The following PLCB4 variants were observed in gnomAD, a reference collection of about 807,000 sequenced individuals.
The protein encoded by PLCB4 is phospholipase C beta 4.
Under a neutral mutation model 178.8 loss-of-function variants are expected in PLCB4, and 77 were observed. That is an observed-to-expected ratio of 0.43 (90% CI 0.36 to 0.52). The LOEUF (loss-of-function observed/expected upper bound fraction) is 0.52. Ranked by LOEUF, PLCB4 falls within the 20% of genes least tolerant of loss-of-function variation. The pLI, the probability that PLCB4 is intolerant of heterozygous loss-of-function variation, is 0.00. For missense variants in PLCB4, 1,024 were observed against 1,453.4 expected (o/e 0.70, Z 4.80); for synonymous variants, 496 against 490.8 (o/e 1.01, Z -0.14).
intron 2 of PLCB4, among the ~76,000 whole-genome samples, chr20:9,164,769 GA>G (rs2092942871): frequency 6.6e-6 from 1 of 152,118 alleles, no homozygotes; most frequent in East Asian, 1.9e-4. Flanking sequence ...GTTCTATCCT[GA>G]AAACTGTCTT....
At chr20:9,442,379 G>T (rs889565363) in intron 30 of PLCB4, among the ~76,000 whole-genome samples, 6 of 148,600 alleles carry the variant, frequency 4.0e-5, no homozygotes, top group Admixed American at 6.7e-5. Context: ...GTAGAGTGTG[G>T]TTTTTTTTTT....
At chr20:9,406,742 G>A (rs113970881) in intron 21 of PLCB4, among the ~76,000 whole-genome samples, 5,173 of 152,076 alleles carry the variant, frequency 0.034, 267 homozygotes, top group East Asian at 0.25. Context: ...TGATCCACCC[G>A]CCTCAGCCTC....
At chr20:9,179,169 T>A (rs1338261718) in intron 2 of PLCB4, among the ~76,000 whole-genome samples, 2 of 152,048 alleles carry the variant, frequency 1.3e-5, no homozygotes, top group East Asian at 3.9e-4. Flanking sequence ...AGGGGACTGT[T>A]TGATAAGATT....
intron 3 of PLCB4, among the ~76,000 whole-genome samples, chr20:9,307,242 C>T (rs1186686786): frequency 6.6e-6 from 1 of 151,986 alleles, no homozygotes; most frequent in African/African-American, 2.4e-5. Flanking sequence ...CCCACGTGGC[C>T]CAAGGGGTGA....
intron 2 of PLCB4, among the ~76,000 whole-genome samples, chr20:9,118,554 T>G (rs1157998663): frequency 6.6e-6 from 1 of 152,126 alleles, no homozygotes; most frequent in Non-Finnish European, 1.5e-5. Flanking sequence ...CTTCAAGATC[T>G]GGTGTGTAAT....
In PLCB4 at chr20:9,434,893, C is replaced by A. The variant is rs147610432; in HGVS notation, c.2525-667C>A. On this transcript the variant is annotated intron_variant, in intron 28 of 39. Coordinates refer to ENST00000378473, the MANE Select transcript of PLCB4 (RefSeq NM_001377142.1). ...TTCAAGTTAACAAGAATAATTTTGCCTTCTATAGTATGAGTAAATTGTGCA... is the reference window on the plus strand; with the variant it reads ...TTCAAGTTAACAAGAATAATTTTGCATTCTATAGTATGAGTAAATTGTGCA... Among the ~76,000 whole-genome samples the A allele has an allele frequency of 1.7e-3, 251 of 152,054 alleles. 2 individuals carry two copies. The South Asian group carries it at 0.022, about 13-fold the overall frequency.
intron 4 of PLCB4, among the ~76,000 whole-genome samples, chr20:9,317,924 C>T (rs924770153): frequency 1.3e-5 from 2 of 152,076 alleles, no homozygotes; most frequent in African/African-American, 4.8e-5. Context: ...CATGGTGAAA[C>T]CCTGCCTTTA....
At chr20:9,176,993 G>T (rs1243139549) in intron 2 of PLCB4, among the ~76,000 whole-genome samples, 5 of 152,098 alleles carry the variant, frequency 3.3e-5, no homozygotes, top group African/African-American at 7.2e-5. Flanking sequence ...GAGAAAGAAT[G>T]ATTATATAAG....
intron 7 of PLCB4, among the ~76,000 whole-genome samples, chr20:9,344,266 C>T (rs535442548): frequency 1.3e-5 from 2 of 152,316 alleles, no homozygotes; most frequent in African/African-American, 4.8e-5. Context: ...CTTTCTCCCC[C>T]ACAGCCCTCA....
intron 1 of PLCB4, 88 bp from the exon 2 acceptor site, chr20:9,096,199 A>G (rs527318189): frequency 8.5e-5 from 13 of 152,192 alleles, no homozygotes; most frequent in African/African-American, 2.7e-4. Context: ...GAAACACAAC[A>G]TGGTAAGATT....
chr20:9,454,654 G>A (rs180843796), intron 33 of PLCB4, among the ~76,000 whole-genome samples: 1 of 152,276 alleles, frequency 6.6e-6, no homozygotes, highest in East Asian at 1.9e-4. Flanking sequence ...GATTATGTTA[G>A]TTATAATTTT....
At chr20:9,302,220 A>C (rs943013014) in intron 3 of PLCB4, among the ~76,000 whole-genome samples, 6 of 151,956 alleles carry the variant, frequency 3.9e-5, no homozygotes, top group African/African-American at 9.7e-5. Context: ...ATTTGAGATA[A>C]TTGCAATAAG....
At chr20:9,341,684 T>C (rs184311066) in intron 7 of PLCB4, among the ~76,000 whole-genome samples, 124 of 151,302 alleles carry the variant, frequency 8.2e-4, no homozygotes, top group Admixed American at 1.9e-3. Flanking sequence ...AAAAAATCCA[T>C]GTATAAGTGG....
chr20:9,222,398 G>A (rs2093810994), intron 3 of PLCB4, among the ~76,000 whole-genome samples: 1 of 152,006 alleles, frequency 6.6e-6, no homozygotes, highest in Non-Finnish European at 1.5e-5. Flanking sequence ...CAGCCCTCTT[G>A]GGTGCCTTCG....
At chr20:9,098,974 G>GT (rs1158989990) in intron 2 of PLCB4, among the ~76,000 whole-genome samples, 2 of 151,146 alleles carry the variant, frequency 1.3e-5, no homozygotes, top group African/African-American at 2.4e-5. Context: ...TTAAAACTCT[G>GT]TATCATTCCT....
chr20:9,255,115 GA>G (rs2094220053), intron 3 of PLCB4, among the ~76,000 whole-genome samples: 1 of 152,160 alleles, frequency 6.6e-6, no homozygotes, highest in Non-Finnish European at 1.5e-5. Context: ...CTATAGATAA[GA>G]CATGGATGTG....
intron 2 of PLCB4, among the ~76,000 whole-genome samples, chr20:9,206,060 A>G (rs1324365068): frequency 2.0e-5 from 3 of 152,112 alleles, no homozygotes; most frequent in African/African-American, 4.8e-5. Flanking sequence ...TTGTGTTTCT[A>G]TTGGACAGCA....
At chr20:9,114,265 A>G (rs1025115537) in intron 2 of PLCB4, among the ~76,000 whole-genome samples, 9 of 152,022 alleles carry the variant, frequency 5.9e-5, no homozygotes, top group Admixed American at 5.2e-4. Context: ...CTAACGAGAT[A>G]ATTTGGGATT....
intron 1 of PLCB4, among the ~76,000 whole-genome samples, chr20:9,082,492 C>T (rs997784280): frequency 2.6e-5 from 4 of 152,138 alleles, no homozygotes; most frequent in Non-Finnish European, 5.9e-5. Context: ...GTTTTCTTCA[C>T]ATTTGGCTTC....
Sources: gnomAD v4.1 joint callset for allele counts (sites outside exome capture counted in the v4.1 genomes callset) on GRCh38, gnomAD v4.1.1 for gene constraint, MANE v1.5 for transcripts, NCBI Gene and HGNC (gene_info 2026-07-23, HGNC 2026-07-21) for gene names.